IGF1R: variants seen among roughly 807,000 people sequenced by gnomAD.
The protein encoded by IGF1R is insulin like growth factor 1 receptor, also known as insulin-like growth factor 1 receptor.
Under a neutral mutation model 144.6 loss-of-function variants are expected in IGF1R, and 44 were observed. The observed-to-expected ratio is 0.30, with a 90% CI of 0.24 to 0.39. The LOEUF is 0.39. Ranked by LOEUF, IGF1R falls within the 10% of genes least tolerant of loss-of-function variation. The pLI, the probability that IGF1R is intolerant of heterozygous loss-of-function variation, is 1.00. For missense variants in IGF1R, 1,355 were observed against 1,833.7 expected (o/e 0.74, Z 4.77); for synonymous variants, 795 against 722.8 (o/e 1.10, Z -1.60).
intron 5 of IGF1R, 133 bp downstream of exon 5, chr15:98,899,754 G>A: frequency 1.1e-6 from 1 of 872,140 alleles, no homozygotes; most frequent in Non-Finnish European, 1.9e-6. Context: ...AGTATTGCCT[G>A]TGCTGCTCGA....
Position 98,958,213 on chromosome 15 carries a change from GATT to G in IGF1R, c.*778_*780del, listed in dbSNP as rs2017088433. 8.6e-6 allele frequency: 2 copies of G among 232,276 alleles called. No individual in the cohort carries two copies. The highest frequency in any genetic ancestry group is 6.1e-5 in the East Asian group (1 of 16,432). The allele number at this position is 232,276 out of a possible 1,614,324, so 14.4% of individuals were successfully genotyped here. Reference sequence around the variant, plus strand: ...ACACAGGTCTCATTGCTTCTGACTAGATTATTATTTGGGGGAACTGGACACAAT... The same window carrying G: ...ACACAGGTCTCATTGCTTCTGACTAGATTATTTGGGGGAACTGGACACAAT... On this transcript the variant is annotated 3_prime_UTR_variant, in exon 21 of 21. Transcript: ENST00000650285.
intron 1 of IGF1R, among the ~76,000 whole-genome samples, chr15:98,690,890 T>TA (rs2053460527): frequency 2.6e-5 from 4 of 152,196 alleles, no homozygotes; most frequent in South Asian, 4.1e-4. Context: ...GGGTACTTTT[T>TA]AAAAAAACAT....
intron 5 of IGF1R, among the ~76,000 whole-genome samples, chr15:98,907,089 A>C (rs980184948): frequency 7.2e-5 from 11 of 152,350 alleles, no homozygotes; most frequent in African/African-American, 2.6e-4. Context: ...GTGAGTAAAC[A>C]GGGCTACAGA....
chr15:98,794,091 C>T (rs2056186969), intron 2 of IGF1R, among the ~76,000 whole-genome samples: 2 of 152,194 alleles, frequency 1.3e-5, no homozygotes, highest in Non-Finnish European at 1.5e-5. Flanking sequence ...ATGGCAGTGT[C>T]CTCTGCATTC....
chr15:98,682,242 A>C lies in IGF1R; in HGVS notation c.95-25320A>C, dbSNP rs45459698. On this transcript the variant is annotated intron_variant, in intron 1 of 20. Coordinates refer to ENST00000650285, the MANE Select transcript of IGF1R (RefSeq NM_000875.5). ...CTCTTTGGTCTCCTATGGTTATCTG[A>C]GTTGTTTTCCAGGAGGAGCTGGGAA... is the stretch of plus-strand genomic sequence containing the variant. Among the ~76,000 whole-genome samples, 1,207 of 152,112 alleles carry C rather than the reference A, an allele frequency of 7.9e-3. 10 individuals carry two copies. The highest frequency in any genetic ancestry group is 0.028 in the African/African-American group (1,150 of 41,500).
intron 2 of IGF1R, among the ~76,000 whole-genome samples, chr15:98,859,118 G>T (rs2012001789): frequency 6.6e-6 from 1 of 151,284 alleles, no homozygotes; most frequent in Admixed American, 6.6e-5. Flanking sequence ...TGGACTTTTA[G>T]AAACACATCC....
At chr15:98,803,839 A>T (rs1041496713) in intron 2 of IGF1R, among the ~76,000 whole-genome samples, 1 of 152,176 alleles carries the variant, frequency 6.6e-6, no homozygotes. Context: ...GAAGGTGTAC[A>T]CTCTTAAATA....
At chr15:98,771,719 T>C (rs2055590860) in intron 2 of IGF1R, among the ~76,000 whole-genome samples, 1 of 134,976 alleles carries the variant, frequency 7.4e-6, no homozygotes, top group African/African-American at 2.7e-5. Flanking sequence ...AACATTTTCA[T>C]GTTCAAATGA....
intron 2 of IGF1R, among the ~76,000 whole-genome samples, chr15:98,780,640 A>G (rs1218867323): frequency 6.6e-6 from 1 of 151,906 alleles, no homozygotes; most frequent in Non-Finnish European, 1.5e-5. Flanking sequence ...TTTTTAAACT[A>G]CCTTGAAAAG....
At chr15:98,754,642 C>A (rs1439736241) in intron 2 of IGF1R, among the ~76,000 whole-genome samples, 1 of 152,186 alleles carries the variant, frequency 6.6e-6, no homozygotes, top group African/African-American at 2.4e-5. Context: ...CTCTTGGAAA[C>A]CACAGGGAGG....
intron 2 of IGF1R, among the ~76,000 whole-genome samples, chr15:98,888,931 A>G (rs2013775860): frequency 6.6e-6 from 1 of 152,182 alleles, no homozygotes; most frequent in African/African-American, 2.4e-5. Context: ...CTTGTGGTCC[A>G]AGGTTGGTAC....
chr15:98,823,270 C>G (rs912295809), intron 2 of IGF1R, among the ~76,000 whole-genome samples: 4 of 152,078 alleles, frequency 2.6e-5, no homozygotes, highest in Admixed American at 1.3e-4. Flanking sequence ...AGGAGGAAGC[C>G]GAAATGCAAA....
At chr15:98,852,563 AG>A (rs2011580705) in intron 2 of IGF1R, among the ~76,000 whole-genome samples, 2 of 152,184 alleles carry the variant, frequency 1.3e-5, no homozygotes, top group African/African-American at 4.8e-5. Context: ...TCACCAGAGC[AG>A]AGGAGGAGTA....
chr15:98,895,877 G>A (rs1193705889), intron 3 of IGF1R, among the ~76,000 whole-genome samples: 1 of 152,088 alleles, frequency 6.6e-6, no homozygotes, highest in Non-Finnish European at 1.5e-5. Flanking sequence ...GCATAAGTTC[G>A]TATTATTTGT....
chr15:98,859,346 C>T (rs755025315), intron 2 of IGF1R, among the ~76,000 whole-genome samples: 2 of 152,192 alleles, frequency 1.3e-5, no homozygotes, highest in Non-Finnish European at 2.9e-5. Flanking sequence ...TCACACACTT[C>T]GCAGGTGGTA....
intron 12 of IGF1R, 81 bp from the exon 13 acceptor site, chr15:98,924,444 C>G: frequency 4.5e-6 from 6 of 1,333,404 alleles, no homozygotes; most frequent in Non-Finnish European, 6.5e-6. Context: ...GCTGGAGTCC[C>G]CAGTGTGGTG....
intron 1 of IGF1R, among the ~76,000 whole-genome samples, chr15:98,699,423 G>C (rs949293813): frequency 2.6e-5 from 4 of 152,206 alleles, no homozygotes; most frequent in African/African-American, 9.7e-5. Flanking sequence ...CTCTTCTAAG[G>C]GTGTTTTTTG....
At chr15:98,839,207 C>G (rs565941667) in intron 2 of IGF1R, among the ~76,000 whole-genome samples, 1 of 152,344 alleles carries the variant, frequency 6.6e-6, no homozygotes, top group South Asian at 2.1e-4. Context: ...ACAGATACAA[C>G]TATTTATCCC....
intron 2 of IGF1R, among the ~76,000 whole-genome samples, chr15:98,788,868 AT>A (rs1022191997): frequency 6.6e-6 from 1 of 151,338 alleles, no homozygotes; most frequent in South Asian, 2.1e-4. Flanking sequence ...TGTACATTAC[AT>A]TTTTTTCTTT....
Sources: gnomAD v4.1 joint callset for allele counts (sites outside exome capture counted in the v4.1 genomes callset) on GRCh38, gnomAD v4.1.1 for gene constraint, MANE v1.5 for transcripts, NCBI Gene and HGNC (gene_info 2026-07-23, HGNC 2026-07-21) for gene names.